NSMAF: variants seen among roughly 807,000 people sequenced by gnomAD.
NSMAF encodes the protein neutral sphingomyelinase activation associated factor.
NSMAF carries 90 observed loss-of-function variants against 134.9 expected under a neutral mutation model. That is an observed-to-expected ratio of 0.67 (90% CI 0.56 to 0.79). The LOEUF (loss-of-function observed/expected upper bound fraction) is 0.79, where lower values mean the gene tolerates loss of function less well. NSMAF is among the 30% of genes least tolerant of loss of function. The pLI, the probability that NSMAF is intolerant of heterozygous loss-of-function variation, is 0.00. For synonymous variants in NSMAF, 358 were observed against 389.6 expected (o/e 0.92, Z 0.96); for missense variants, 1,010 against 1,119.0 (o/e 0.90, Z 1.39).
chr8:58,643,120 T>C (rs757021905), intron 1 of NSMAF, 47 bp from the exon 2 acceptor site: 1 of 1,348,188 alleles, frequency 7.4e-7, no homozygotes, highest in East Asian at 2.3e-5. Context: ...TTTTAGTAAG[T>C]ATAAGAAGGC....
At chr8:58,656,136 A>G (rs1807704768) in intron 1 of NSMAF, among the ~76,000 whole-genome samples, 1 of 151,708 alleles carries the variant, frequency 6.6e-6, no homozygotes. Context: ...CTCCTGCCTC[A>G]GTCTCCCAAG....
intron 14 of NSMAF, 103 bp from the exon 15 acceptor site, chr8:58,601,638 T>C (rs958776382): frequency 3.0e-5 from 41 of 1,381,976 alleles, no homozygotes; most frequent in Non-Finnish European, 3.6e-5. Context: ...AGATATACCA[T>C]ATTCCTTAAT....
chr8:58,656,694 G>GGTCA, intron 1 of NSMAF, among the ~76,000 whole-genome samples: 1 of 152,126 alleles, frequency 6.6e-6, no homozygotes, highest in Admixed American at 6.5e-5. Context: ...GCCGGGCGTG[G>GGTCA]TGACAGGCGC....
At chr8:58,627,444 A>G (rs1031005240) in intron 6 of NSMAF, among the ~76,000 whole-genome samples, 2 of 152,212 alleles carry the variant, frequency 1.3e-5, no homozygotes, top group Admixed American at 6.5e-5. Flanking sequence ...TGATATGACC[A>G]TTTACCTAGA....
At chr8:58,594,644 G>T (rs1018096334) in intron 22 of NSMAF, 9 of 260,904 alleles carry the variant, frequency 3.4e-5, no homozygotes, top group Admixed American at 2.6e-4. Context: ...CACTTCACTT[G>T]CTGATTACTG....
intron 9 of NSMAF, among the ~76,000 whole-genome samples, chr8:58,620,925 T>G (rs981555237): frequency 3.9e-5 from 6 of 152,206 alleles, no homozygotes; most frequent in African/African-American, 1.4e-4. Context: ...GTTCCTACTC[T>G]CAAAGACTTA....
rs188805433 is a variant in NSMAF, at chr8:58,607,787, C to T, written c.741G>A (p.Arg247=). Residue 247 remains arginine (R), a synonymous_variant, in exon 11 of 31, where the codon AGG becomes AGA. Coordinates refer to ENST00000038176, the MANE Select transcript of NSMAF (RefSeq NM_003580.4). The part of the protein sequence containing the change: ...LQDVRRIYKR[R]HGLMPLGLEV... ...GACTCACCAGAGGCATGAGGCCGTG[C>T]CTCCTTTTGTAGATGCGGCGGACAT... 1 of 1,614,100 alleles carries T rather than the reference C, an allele frequency of 6.2e-7. No individual in the cohort carries two copies. The highest frequency in any genetic ancestry group is 8.5e-7 in the Non-Finnish European group (1 of 1,179,948).
intron 12 of NSMAF, among the ~76,000 whole-genome samples, chr8:58,604,317 T>C (rs376466622): frequency 1.3e-5 from 2 of 152,080 alleles, no homozygotes; most frequent in South Asian, 4.1e-4. Context: ...TTTTAGATCA[T>C]GGCAAAGTTT....
At chr8:58,635,142 T>C in intron 5 of NSMAF, 47 bp downstream of exon 5, 1 of 1,387,236 alleles carries the variant, frequency 7.2e-7, no homozygotes, top group Non-Finnish European at 1.0e-6. Flanking sequence ...TGCACATATA[T>C]AAGAATGTTC....
chr8:58,614,293 C>A (rs555836354), intron 9 of NSMAF, among the ~76,000 whole-genome samples: 6 of 152,232 alleles, frequency 3.9e-5, no homozygotes, highest in Middle Eastern at 6.8e-3. Flanking sequence ...TCCCAGCACT[C>A]CTTTAACATA....
chr8:58,642,658 C>T (rs1248445733), intron 2 of NSMAF, among the ~76,000 whole-genome samples: 1 of 152,006 alleles, frequency 6.6e-6, no homozygotes, highest in Non-Finnish European at 1.5e-5. Context: ...TATCTACAAC[C>T]CCAGAATTGG....
rs558844929 is a variant in NSMAF at position 58,651,530 on chromosome 8, A to T, written c.59+8043T>A. On this transcript the variant is annotated intron_variant, in intron 1 of 30. Transcript: ENST00000038176. ...TCCCTTTCACTGACACCATCCATAAAGCCAGTCAATTCTATTTTCAAGTCC... is the reference window on the plus strand; with the variant it reads ...TCCCTTTCACTGACACCATCCATAATGCCAGTCAATTCTATTTTCAAGTCC... Among the ~76,000 whole-genome samples the T allele has an allele frequency of 2.2e-3, 337 of 152,314 alleles. 2 individuals carry two copies. Among genetic ancestry groups the T allele is most frequent in the Non-Finnish European group, 4.1e-3 (277 of 68,024 alleles).
intron 25 of NSMAF, 99 bp from the exon 26 acceptor site, chr8:58,589,674 A>G: frequency 9.0e-7 from 1 of 1,109,654 alleles, no homozygotes; most frequent in Non-Finnish European, 1.2e-6. Context: ...TTCTATACTT[A>G]CTAAGGCTCA....
At chr8:58,638,417 T>A (rs1585758273) in intron 2 of NSMAF, among the ~76,000 whole-genome samples, 1 of 152,072 alleles carries the variant, frequency 6.6e-6, no homozygotes, top group Non-Finnish European at 1.5e-5. Flanking sequence ...ACTACAAAGC[T>A]ACATTAATCA....
Position 58,623,290 on chromosome 8 carries a change from G to GA in NSMAF, c.505-19dup, listed in dbSNP as rs1357608230. ...GCTGTTATCTATTAAAACAGAACCA[G>GA]AAAAAAAGTATTTATAAGTATTTAT... On this transcript the variant is annotated intron_variant, in intron 8 of 30. Transcript: ENST00000038176. The GA allele has an allele frequency of 1.4e-6, 2 of 1,470,254 alleles. No homozygotes were observed. Among genetic ancestry groups the GA allele is most frequent in the Non-Finnish European group, 1.9e-6 (2 of 1,078,792 alleles). The allele number at this position is 1,470,254 out of a possible 1,614,324, so 91.1% of individuals were successfully genotyped here.
chr8:58,639,237 T>A (rs1005911121), intron 2 of NSMAF, among the ~76,000 whole-genome samples: 3 of 150,068 alleles, frequency 2.0e-5, no homozygotes, highest in Non-Finnish European at 4.4e-5. Context: ...TGAGCAGAGA[T>A]CACGCCACTG....
At chr8:58,659,447 G>C in intron 1 of NSMAF, 126 bp downstream of exon 1, 2 of 1,493,464 alleles carry the variant, frequency 1.3e-6, no homozygotes, top group Admixed American at 2.2e-5. Context: ...CCCTGGACAC[G>C]CGTCCGGCCC....
intron 1 of NSMAF, among the ~76,000 whole-genome samples, chr8:58,645,438 A>G (rs1281205837): frequency 6.6e-6 from 1 of 152,176 alleles, no homozygotes; most frequent in South Asian, 2.1e-4. Context: ...AGTCTGGTAC[A>G]TTAGTTTTGG....
intron 9 of NSMAF, among the ~76,000 whole-genome samples, chr8:58,615,415 A>G (rs890558771): frequency 2.6e-5 from 4 of 152,244 alleles, no homozygotes; most frequent in African/African-American, 9.6e-5. Flanking sequence ...AATGTTCACC[A>G]AGATAGGCCA....
Sources: allele counts gnomAD v4.1 joint callset (sites outside exome capture counted in the v4.1 genomes callset), GRCh38; gene constraint gnomAD v4.1.1; transcripts MANE v1.5; gene names NCBI Gene and HGNC (gene_info 2026-07-23, HGNC 2026-07-21).